Variants in ZNF521 observed in about 807,000 individuals in gnomAD.
ZNF521 encodes the protein LYST-interacting protein 3.
In ZNF521, 14 loss-of-function variants were observed where a neutral mutation model predicts 105.5. The observed-to-expected ratio is 0.13, with a 90% CI of 0.09 to 0.21. The LOEUF is 0.21. Among genes scored for constraint, ZNF521 ranks in the 10% least tolerant of loss-of-function variants. The pLI, the probability that ZNF521 is intolerant of heterozygous loss-of-function variation, is 1.00. For missense variants in ZNF521, 1,233 were observed against 1,629.7 expected (o/e 0.76, Z 4.19); for synonymous variants, 635 against 606.0 (o/e 1.05, Z -0.70).
In ZNF521 at chr18:25,225,065, G is replaced by C. The variant is rs759363190; in HGVS notation, c.2853C>G (p.Thr951=). The C allele has an allele frequency of 5.4e-5, 87 of 1,614,024 alleles. No homozygotes were observed. Among genetic ancestry groups the C allele is most frequent in the Non-Finnish European group, 7.0e-5 (83 of 1,180,028 alleles). The stretch of plus-strand genomic sequence containing the variant: ...TGTAGTGTTTGACAGGGCCTAGGTG[G>C]GTCTGCATATGTTCCCGGAGGCCAT... ...SENGLREHMQ[T]HLGPVKHYMC... The change falls in exon 4 of 8, where the codon ACC becomes ACG. Residue 951 remains threonine, a synonymous_variant. Coordinates refer to ENST00000361524, the MANE Select transcript of ZNF521 (RefSeq NM_015461.3). This position sits in a 1 kb window ranked among gnomAD's most constrained non-coding sequence, Gnocchi z 5.6.
intron 5 of ZNF521, among the ~76,000 whole-genome samples, chr18:25,133,836 T>C (rs1309383590): frequency 1.3e-5 from 2 of 151,948 alleles, no homozygotes; most frequent in African/African-American, 4.8e-5. Flanking sequence ...CCTGAGGGAA[T>C]CAATGGGTAT....
At chr18:25,265,728 A>T (rs1411428401) in intron 3 of ZNF521, among the ~76,000 whole-genome samples, 1 of 152,244 alleles carries the variant, frequency 6.6e-6, no homozygotes, top group South Asian at 2.1e-4. Context: ...CAAAGAGATA[A>T]GTGCACTCAT....
intron 5 of ZNF521, among the ~76,000 whole-genome samples, chr18:25,129,094 G>T (rs1429223222): frequency 6.6e-6 from 1 of 151,662 alleles, no homozygotes; most frequent in Non-Finnish European, 1.5e-5. Flanking sequence ...ATTAGTGAAA[G>T]GACAGACAAA....
At chr18:25,166,413 T>G (rs1287804836) in intron 5 of ZNF521, among the ~76,000 whole-genome samples, 1 of 152,174 alleles carries the variant, frequency 6.6e-6, no homozygotes, top group African/African-American at 2.4e-5. Flanking sequence ...GTTAACTGGA[T>G]TTTTTTAAAC....
intron 4 of ZNF521, among the ~76,000 whole-genome samples, chr18:25,222,654 A>G (rs943178824): frequency 2.0e-5 from 3 of 152,240 alleles, no homozygotes; most frequent in Non-Finnish European, 4.4e-5. Flanking sequence ...GCATATGTTA[A>G]GCATTACAAA....
In ZNF521 at chr18:25,226,539, T is replaced by C; in HGVS notation, c.1379A>G (p.His460Arg). ...AATCAGACCTGGGTCCTGAGCTTCA[T>C]GCACTTGCTTAAGATGTTCATTTAG... ...YNLNEHLKQVHEAQDPGLIVS... is the reference protein window; with the variant it reads ...YNLNEHLKQVREAQDPGLIVS... Residue 460 changes from histidine to arginine, a missense_variant, in exon 4 of 8, where the codon CAT becomes CGT. This residue lies in a region of ZNF521 where 380 missense variants were observed against 478.0 expected (regional missense o/e 0.80). Transcript: ENST00000361524. This position sits in a 1 kb window ranked among gnomAD's most constrained non-coding sequence, Gnocchi z 4.1. 1 of 1,614,146 alleles carries C rather than the reference T, an allele frequency of 6.2e-7. No individual in the cohort carries two copies. The highest frequency in any genetic ancestry group is 8.5e-7 in the Non-Finnish European group (1 of 1,180,018).
chr18:25,305,434 T>C (rs1160670178), intron 3 of ZNF521, among the ~76,000 whole-genome samples: 1 of 152,208 alleles, frequency 6.6e-6, no homozygotes, highest in East Asian at 1.9e-4. Flanking sequence ...TATATGCCAA[T>C]GTGCAGGCTA....
At chr18:25,124,962 T>G (rs1379539154) in intron 5 of ZNF521, among the ~76,000 whole-genome samples, 4 of 152,200 alleles carry the variant, frequency 2.6e-5, no homozygotes, top group Non-Finnish European at 5.9e-5. Context: ...TATTATGGCA[T>G]TATGTTAAAA....
chr18:25,350,322 TGCCCGCG>T (rs1383069667), intron 2 of ZNF521, among the ~76,000 whole-genome samples: 1 of 151,292 alleles, frequency 6.6e-6, no homozygotes, highest in East Asian at 2.0e-4. Context: ...CGGGGTCCGG[TGCCCGCG>T]GCCGGCGGCC....
chr18:25,310,040 CT>C (rs1239912590), intron 3 of ZNF521, among the ~76,000 whole-genome samples: 2 of 151,978 alleles, frequency 1.3e-5, no homozygotes, highest in African/African-American at 4.8e-5. Flanking sequence ...TTATTTTCTG[CT>C]TTTATAACCA....
At chr18:25,323,477 C>T (rs1457250302) in intron 2 of ZNF521, among the ~76,000 whole-genome samples, 3 of 151,926 alleles carry the variant, frequency 2.0e-5, no homozygotes, top group African/African-American at 7.3e-5. Context: ...GCAGCCCAAG[C>T]AGAAGTGCAG....
intron 5 of ZNF521, among the ~76,000 whole-genome samples, chr18:25,158,039 C>T (rs1200318858): frequency 6.6e-6 from 1 of 152,184 alleles, no homozygotes; most frequent in Non-Finnish European, 1.5e-5. Context: ...CAGGCATCAG[C>T]CACTGCGCCT....
intron 3 of ZNF521, among the ~76,000 whole-genome samples, chr18:25,281,442 G>T (rs1910373851): frequency 6.6e-6 from 1 of 152,190 alleles, no homozygotes; most frequent in Admixed American, 6.5e-5. Flanking sequence ...AAGTCAAGAA[G>T]TTTGTTCCAT....
In ZNF521 at chr18:25,209,066, C is replaced by T. The variant is rs146067069; in HGVS notation, c.3574-13822G>A. On this transcript the variant is annotated intron_variant, in intron 4 of 7. Coordinates refer to ENST00000361524, the MANE Select transcript of ZNF521 (RefSeq NM_015461.3). ...ATGCCACTCGACTTCTAAATCATGGCGTATCTTTGTGTTGAAATATCTCTC... is the reference window on the plus strand; with the variant it reads ...ATGCCACTCGACTTCTAAATCATGGTGTATCTTTGTGTTGAAATATCTCTC... Among the ~76,000 whole-genome samples the T allele has an allele frequency of 2.6e-5, 4 of 152,146 alleles. No individual in the cohort carries two copies. The East Asian group carries it at 5.8e-4, about 22-fold the overall frequency.
At chr18:25,081,255 C>CA (rs1375588252) in intron 7 of ZNF521, among the ~76,000 whole-genome samples, 1 of 152,016 alleles carries the variant, frequency 6.6e-6, no homozygotes, top group African/African-American at 2.4e-5. Flanking sequence ...CTGGGCCAGA[C>CA]AAAAAAATAA....
chr18:25,148,169 A>C (rs1182840491), intron 5 of ZNF521, among the ~76,000 whole-genome samples: 2 of 152,232 alleles, frequency 1.3e-5, no homozygotes, highest in East Asian at 3.8e-4. Context: ...AAAAAGACTT[A>C]GATAGGGAAA....
intron 7 of ZNF521, among the ~76,000 whole-genome samples, chr18:25,085,653 A>ATATGTG (rs1491212238): frequency 2.9e-4 from 42 of 144,348 alleles, no homozygotes; most frequent in Middle Eastern, 6.8e-3. Flanking sequence ...CCATATATAT[A>ATATGTG]TGTGTGTGTG....
intron 3 of ZNF521, among the ~76,000 whole-genome samples, chr18:25,289,608 A>G (rs1910900245): frequency 6.6e-6 from 1 of 152,210 alleles, no homozygotes; most frequent in Non-Finnish European, 1.5e-5. Context: ...TTGTTATCAG[A>G]TAAATCTTTA....
intron 5 of ZNF521, among the ~76,000 whole-genome samples, chr18:25,143,196 G>C (rs1207828308): frequency 1.3e-5 from 2 of 152,100 alleles, no homozygotes; most frequent in Admixed American, 6.6e-5. Flanking sequence ...GTATCAAAGA[G>C]TGGATTTTCT....
Sources: gnomAD v4.1 joint callset for allele counts (sites outside exome capture counted in the v4.1 genomes callset) on GRCh38, gnomAD v4.1.1 for gene constraint, gnomAD v4.1.1 regional missense constraint, Gnocchi (gnomAD v3.1) non-coding constraint, MANE v1.5 for transcripts, NCBI Gene and HGNC (gene_info 2026-07-23, HGNC 2026-07-21) for gene names.